Variants in PCDH15 observed in about 807,000 individuals in gnomAD.
PCDH15 encodes the protein protocadherin-15.
PCDH15 carries 129 observed loss-of-function variants against 178.5 expected under a neutral mutation model. The ratio of observed to expected loss-of-function variants is 0.72; its 90% CI spans 0.63 to 0.84. The LOEUF is 0.84. Among genes scored for constraint, PCDH15 ranks in the 40% least tolerant of loss-of-function variants. The pLI is 0.00. For missense variants in PCDH15, 2,230 were observed against 2,099.9 expected (o/e 1.06, Z -1.21); for synonymous variants, 800 against 732.0 (o/e 1.09, Z -1.50).
intron 2 of PCDH15, among the ~76,000 whole-genome samples, chr10:54,909,624 C>A (rs1954785820): frequency 6.6e-6 from 1 of 151,990 alleles, no homozygotes; most frequent in African/African-American, 2.4e-5. Context: ...GCAAAGATTC[C>A]CTGGCCCATA....
chr10:54,426,317 G>T (rs1169014632), intron 3 of PCDH15, among the ~76,000 whole-genome samples: 4 of 152,120 alleles, frequency 2.6e-5, no homozygotes, highest in Non-Finnish European at 5.9e-5. Context: ...GAAGGTTTCG[G>T]GATGAAACTG....
intron 25 of PCDH15, among the ~76,000 whole-genome samples, chr10:53,911,700 T>C (rs2083100951): frequency 6.6e-6 from 1 of 152,158 alleles, no homozygotes; most frequent in African/African-American, 2.4e-5. Flanking sequence ...GATAGACTGC[T>C]AGCAAGACCA....
intron 16 of PCDH15, among the ~76,000 whole-genome samples, chr10:54,080,125 A>G (rs2094413401): frequency 6.6e-6 from 1 of 151,982 alleles, no homozygotes; most frequent in Non-Finnish European, 1.5e-5. Flanking sequence ...CTCATTTTAT[A>G]ATTTGTTTAA....
At chr10:54,010,352 G>A (rs759420881) in intron 20 of PCDH15, among the ~76,000 whole-genome samples, 7 of 152,046 alleles carry the variant, frequency 4.6e-5, no homozygotes, top group Non-Finnish European at 7.4e-5. Flanking sequence ...GGGCTCTTGG[G>A]CCAGTAGCAG....
intron 3 of PCDH15, among the ~76,000 whole-genome samples, chr10:54,407,233 T>C (rs1449817360): frequency 6.6e-6 from 1 of 152,034 alleles, no homozygotes; most frequent in African/African-American, 2.4e-5. Flanking sequence ...TGGAAAAGAG[T>C]ACCTGGGAAC....
chr10:55,609,688 C>T (rs11004931), intron 2 of PCDH15, among the ~76,000 whole-genome samples: 46,112 of 151,740 alleles, frequency 0.3, 7,137 homozygotes, highest in African/African-American at 0.37. Flanking sequence ...AAATCATAAT[C>T]GTGCTATCTA....
In PCDH15 at chr10:55,098,895, TGAGAGAGAGA is replaced by T. The variant is rs10535301; in HGVS notation, c.-80+67671_-80+67680del. Among the ~76,000 whole-genome samples, 1,113 of 120,252 alleles carry T rather than the reference TGAGAGAGAGA, an allele frequency of 9.3e-3. 29 individuals carry two copies. Among genetic ancestry groups the T allele is most frequent in the African/African-American group, 0.032 (937 of 29,312 alleles). 78.9% of individuals were successfully genotyped at this position (120,252 alleles called of 152,430 possible). ...ATGTGTTCTTTCATTAAAACTTCAA[TGAGAGAGAGA>T]GAGAGAGAGAGAGAGAGAGAGAGAG... On this transcript the variant is annotated intron_variant, in intron 2 of 5. Transcript: ENST00000458638.
At chr10:54,581,528 C>T (rs1049799713) in intron 2 of PCDH15, among the ~76,000 whole-genome samples, 1 of 151,974 alleles carries the variant, frequency 6.6e-6, no homozygotes, top group Non-Finnish European at 1.5e-5. Flanking sequence ...AGATTCAATG[C>T]TATTCCTGTA....
chr10:54,737,963 G>A (rs563684309), intron 1 of PCDH15, among the ~76,000 whole-genome samples: 1 of 152,206 alleles, frequency 6.6e-6, no homozygotes, highest in Admixed American at 6.5e-5. Context: ...CAGGGTAGGA[G>A]TCACTGAAAA....
At chr10:55,400,614 C>T (rs970475657) in intron 2 of PCDH15, among the ~76,000 whole-genome samples, 7 of 152,158 alleles carry the variant, frequency 4.6e-5, no homozygotes, top group Admixed American at 3.9e-4. Flanking sequence ...AAGCAACTAA[C>T]AAAGACACTT....
chr10:54,688,969 A>G (rs1165325078), intron 1 of PCDH15, among the ~76,000 whole-genome samples: 1 of 151,508 alleles, frequency 6.6e-6, no homozygotes, highest in Non-Finnish European at 1.5e-5. Flanking sequence ...AAAATTAGAT[A>G]ACTTAATAAA....
At chr10:53,932,392 A>T (rs369346708) in intron 25 of PCDH15, among the ~76,000 whole-genome samples, 9 of 152,184 alleles carry the variant, frequency 5.9e-5, no homozygotes, top group Non-Finnish European at 7.3e-5. Context: ...TTCTAGATGT[A>T]GCTGTAATAT....
intron 2 of PCDH15, among the ~76,000 whole-genome samples, chr10:54,932,690 C>A (rs771331145): frequency 6.6e-6 from 1 of 152,174 alleles, no homozygotes; most frequent in South Asian, 2.1e-4. Flanking sequence ...GCCTGTGCCA[C>A]CATGCCCAGC....
chr10:53,970,637 A>G (rs2089579956), intron 21 of PCDH15, among the ~76,000 whole-genome samples: 1 of 152,290 alleles, frequency 6.6e-6, no homozygotes, highest in South Asian at 2.1e-4. Flanking sequence ...AATACAAACT[A>G]CCATCAGAGA....
At chr10:55,171,165 TGTCA>T (rs1564859003) in intron 1 of PCDH15, among the ~76,000 whole-genome samples, 1 of 152,190 alleles carries the variant, frequency 6.6e-6, no homozygotes, top group African/African-American at 2.4e-5. Context: ...AAAATTAGCA[TGTCA>T]GTCTACTACC....
intron 3 of PCDH15, among the ~76,000 whole-genome samples, chr10:54,445,889 C>T (rs2076114080): frequency 6.6e-6 from 1 of 151,552 alleles, no homozygotes; most frequent in Non-Finnish European, 1.5e-5. Flanking sequence ...TATCTCTTTT[C>T]CATACCTATC....
intron 2 of PCDH15, among the ~76,000 whole-genome samples, chr10:55,361,216 G>C (rs1356498751): frequency 6.6e-6 from 1 of 151,972 alleles, no homozygotes; most frequent in Non-Finnish European, 1.5e-5. Context: ...AATGAGATTA[G>C]ATACAGCCCA....
At chr10:55,373,823 A>C (rs1845559290) in intron 2 of PCDH15, among the ~76,000 whole-genome samples, 1 of 151,720 alleles carries the variant, frequency 6.6e-6, no homozygotes, top group Non-Finnish European at 1.5e-5. Flanking sequence ...GTCTTTAATC[A>C]CCTCATTATC....
chr10:54,954,745 G>A (rs995447572), intron 2 of PCDH15, among the ~76,000 whole-genome samples: 1 of 151,116 alleles, frequency 6.6e-6, no homozygotes, highest in Non-Finnish European at 1.5e-5. Context: ...GAAGAATATT[G>A]TTACTTATTT....
Sources: allele counts gnomAD v4.1 joint callset (sites outside exome capture counted in the v4.1 genomes callset), GRCh38; gene constraint gnomAD v4.1.1; transcripts MANE v1.5; gene names NCBI Gene and HGNC (gene_info 2026-07-23, HGNC 2026-07-21).